The following ANKRD30B variants were observed in gnomAD, a reference collection of about 807,000 sequenced individuals.
ANKRD30B encodes ankyrin repeat domain-containing protein 30B.
ANKRD30B carries 144 observed loss-of-function variants against 202.2 expected under a neutral mutation model. That is an observed-to-expected ratio of 0.71 (90% confidence interval 0.62 to 0.82). The LOEUF (loss-of-function observed/expected upper bound fraction) is 0.82, where lower values mean the gene tolerates loss of function less well. Among genes scored for constraint, ANKRD30B ranks in the 40% least tolerant of loss-of-function variants. The probability of loss-of-function intolerance (pLI) is 0.00; values close to 1 mark genes in which losing one functional copy is unlikely to be tolerated. For synonymous variants in ANKRD30B, 508 were observed against 561.3 expected (o/e 0.91, Z 1.34); for missense variants, 1,487 against 1,669.1 (o/e 0.89, Z 1.90).
At position 14,787,102 on chromosome 18, in the gene ANKRD30B, T is replaced by A. The variant is rs564375952; in HGVS notation, c.1734+2T>A. 3.7e-6 allele frequency: 6 copies of A among 1,605,102 alleles called. No homozygotes were observed. The highest frequency in any genetic ancestry group is 1.7e-5 in the Admixed American group (1 of 58,916). ...GAAGAAAATTCTTGGGATTCTGAGG[T>A]ACTATGTGTTATTGATTTTTTTAAA... On this transcript the variant is annotated splice_donor_variant, in intron 15 of 43. Transcript: ENST00000690538. LOFTEE classifies it high-confidence loss of function.
At chr18:14,855,995 C>A (rs1221770903), downstream of ANKRD30B, among the ~76,000 whole-genome samples, 184 of 138,396 alleles carry the variant, frequency 1.3e-3, no homozygotes, top group East Asian at 0.034. Flanking sequence ...GCGCTCCTCA[C>A]CTCCCAGACT....
At chr18:14,789,303 A>T (rs925042034) in intron 15 of ANKRD30B, among the ~76,000 whole-genome samples, 8 of 152,148 alleles carry the variant, frequency 5.3e-5, no homozygotes, top group African/African-American at 9.7e-5. Context: ...CTTTGTCAGA[A>T]GAGTAGGTTG....
At chr18:14,848,030 C>T (rs1420971292) in intron 39 of ANKRD30B, among the ~76,000 whole-genome samples, 2 of 152,036 alleles carry the variant, frequency 1.3e-5, no homozygotes, top group African/African-American at 2.4e-5. Context: ...TTACCAGACT[C>T]TAAGATTTAT....
chr18:14,769,268 T>C (rs927828496), intron 7 of ANKRD30B, 75 bp from the exon 8 acceptor site: 7 of 1,192,402 alleles, frequency 5.9e-6, no homozygotes, highest in South Asian at 1.4e-5. Flanking sequence ...CATCGTGCCC[T>C]CTTACGTTGT....
chr18:14,859,134 C>T (rs533578328), downstream of ANKRD30B, among the ~76,000 whole-genome samples: 898 of 121,524 alleles, frequency 7.4e-3, 54 homozygotes, highest in Non-Finnish European at 0.012. Context: ...ACCTCCCAGA[C>T]GGGGAGACCA....
chr18:14,923,667 C>T, the ANKRD30B span, among the ~76,000 whole-genome samples: 142 of 152,244 alleles, frequency 9.3e-4, 1 homozygote, highest in African/African-American at 3.3e-3. Context: ...AACAAGGTAC[C>T]CAAGTAGGGT....
intron 4 of ANKRD30B, among the ~76,000 whole-genome samples, chr18:14,756,060 C>A: frequency 6.6e-6 from 1 of 152,166 alleles, no homozygotes; most frequent in Non-Finnish European, 1.5e-5. Flanking sequence ...TCCTCTCCAG[C>A]ACCTGTTGTT....
the ANKRD30B span, among the ~76,000 whole-genome samples, chr18:14,901,428 C>A: frequency 6.6e-6 from 1 of 152,274 alleles, no homozygotes; most frequent in South Asian, 2.1e-4. Context: ...ACTAACCCAA[C>A]ATCAAGTAGA....
At chr18:14,914,399 G>C in the ANKRD30B span, among the ~76,000 whole-genome samples, 1 of 152,162 alleles carries the variant, frequency 6.6e-6, no homozygotes, top group Admixed American at 6.5e-5. Flanking sequence ...TGCTTTAACT[G>C]TTATTGAGCT....
At chr18:14,831,778 T>C (rs1170986393) in intron 34 of ANKRD30B, among the ~76,000 whole-genome samples, 1 of 152,166 alleles carries the variant, frequency 6.6e-6, no homozygotes, top group African/African-American at 2.4e-5. Flanking sequence ...CAATAGAGAA[T>C]ATATAAAATC....
intron 5 of ANKRD30B, 47 bp from the exon 6 acceptor site, chr18:14,760,507 A>G (rs1296050788): frequency 9.3e-7 from 1 of 1,071,630 alleles, no homozygotes; most frequent in Admixed American, 2.6e-5. Context: ...AATGTTTTTT[A>G]TATCTTGTTA....
At chr18:14,769,748 G>A (rs979201621) in intron 8 of ANKRD30B, among the ~76,000 whole-genome samples, 7 of 152,148 alleles carry the variant, frequency 4.6e-5, no homozygotes, top group Admixed American at 3.9e-4. Flanking sequence ...AATTCACAAA[G>A]TTACATTTTG....
chr18:14,908,022 A>G, the ANKRD30B span, among the ~76,000 whole-genome samples: 1 of 152,248 alleles, frequency 6.6e-6, no homozygotes, highest in Non-Finnish European at 1.5e-5. Flanking sequence ...GTCATATAAA[A>G]TGGACAGATG....
chr18:14,862,165 T>C, the ANKRD30B span, among the ~76,000 whole-genome samples: 4 of 151,492 alleles, frequency 2.6e-5, no homozygotes, highest in African/African-American at 9.7e-5. Context: ...TAACACTAAA[T>C]GCCTACATAA....
At chr18:14,831,202 G>GAAAAAAAAAAAAAAAAAAAAAAAAAAA (rs1434127361) in intron 33 of ANKRD30B, among the ~76,000 whole-genome samples, 181 bp from the exon 34 acceptor site, 1 of 76,930 alleles carries the variant, frequency 1.3e-5, no homozygotes, top group African/African-American at 5.4e-5. Context: ...AAAAAAAAAC[G>GAAAAAAAAAAAAAAAAAAAAAAAAAAA]AAAACCAGAT....
At chr18:14,896,341 C>T in the ANKRD30B span, among the ~76,000 whole-genome samples, 4 of 152,142 alleles carry the variant, frequency 2.6e-5, no homozygotes, top group East Asian at 1.9e-4. Context: ...CCGTGTTAGC[C>T]AGGATGGTCT....
chr18:14,886,245 G>A, the ANKRD30B span, among the ~76,000 whole-genome samples: 6 of 151,920 alleles, frequency 3.9e-5, no homozygotes, highest in Non-Finnish European at 7.4e-5. Context: ...AGACTCTTGT[G>A]ACAGTTGTAT....
intron 24 of ANKRD30B, among the ~76,000 whole-genome samples, chr18:14,807,346 T>C (rs1003412212): frequency 4.6e-5 from 7 of 151,096 alleles, no homozygotes; most frequent in East Asian, 1.9e-4. Flanking sequence ...ATAACAGTGG[T>C]TTAACAACTC....
chr18:14,817,695 A>G (rs576179718), intron 30 of ANKRD30B, among the ~76,000 whole-genome samples: 2 of 152,302 alleles, frequency 1.3e-5, no homozygotes, highest in East Asian at 3.9e-4. Flanking sequence ...TACATTTATC[A>G]TATTTTTACC....
Sources: allele counts gnomAD v4.1 joint callset (sites outside exome capture counted in the v4.1 genomes callset), GRCh38; gene constraint gnomAD v4.1.1; transcripts MANE v1.5; gene names NCBI Gene and HGNC (gene_info 2026-07-23, HGNC 2026-07-21).